The following CDC37L1 variants were observed in gnomAD, a reference collection of about 807,000 sequenced individuals.
The protein encoded by CDC37L1 is hsp90 co-chaperone Cdc37-like 1.
A neutral mutation model predicts 45.9 loss-of-function variants in CDC37L1; 32 were observed. The ratio of observed to expected loss-of-function variants is 0.70; its 90% confidence interval spans 0.53 to 0.94. The LOEUF (loss-of-function observed/expected upper bound fraction) is 0.94, where lower values mean the gene tolerates loss of function less well. Among genes scored for constraint, CDC37L1 ranks in the 40% least tolerant of loss-of-function variants. CDC37L1 has a pLI of 0.00. For synonymous variants in CDC37L1, 150 were observed against 133.0 expected, an observed-to-expected ratio of 1.13 and a Z score of -0.88; for missense variants, 434 against 405.7, an observed-to-expected ratio of 1.07 and a Z score of -0.60.
intron 2 of CDC37L1, 100 bp from the exon 3 acceptor site, chr9:4,688,413 T>A: frequency 3.1e-6 from 2 of 651,768 alleles, no homozygotes; most frequent in Non-Finnish European, 5.0e-6. Context: ...CTATACCACA[T>A]ATATTGTCTA....
Position 4,684,052 on chromosome 9 carries a change from A to G in CDC37L1, c.133-825A>G, listed in dbSNP as rs943630262. Among the ~76,000 whole-genome samples, 21 of 152,238 alleles carry G rather than the reference A, an allele frequency of 1.4e-4. No homozygotes were observed. The South Asian group carries it at 2.9e-3, about 21-fold the overall frequency. On this transcript the variant is annotated intron_variant, in intron 1 of 6. Coordinates refer to ENST00000381854, the MANE Select transcript of CDC37L1 (RefSeq NM_017913.4). The stretch of plus-strand genomic sequence containing the variant: ...TGTAATCCCAGCACTTTGGGAGGCC[A>G]AGGTGTGTAGATCACGAGGTCAAGA...
Position 4,685,141 on chromosome 9 carries a change from A to G in CDC37L1, c.397A>G (p.Lys133Glu), listed in dbSNP as rs1398027351. The G allele has an allele frequency of 6.2e-7, 1 of 1,613,722 alleles. No individual in the cohort carries two copies. ...MCLWSTDAISKDVFNKSFINQ... is the reference protein window; with the variant it reads ...MCLWSTDAISEDVFNKSFINQ... ...TCTGTGGAGCACGGATGCCATTAGC[A>G]AGGATGTTTTTAATAAGGTATGAGC... Residue 133 changes from lysine to glutamate, a missense_variant, in exon 2 of 7, where the codon AAG becomes GAG. Transcript: ENST00000381854.
intron 3 of CDC37L1, among the ~76,000 whole-genome samples, chr9:4,690,356 A>C (rs1841289140): frequency 6.6e-6 from 1 of 152,182 alleles, no homozygotes; most frequent in African/African-American, 2.4e-5. Context: ...AAGTGGGACC[A>C]GGGTAGTCAA....
intron 2 of CDC37L1, among the ~76,000 whole-genome samples, chr9:4,686,172 T>C (rs1841244958): frequency 6.6e-6 from 1 of 152,112 alleles, no homozygotes; most frequent in South Asian, 2.1e-4. Context: ...CATCTCAAAC[T>C]TCTTAATTGT....
intron 1 of CDC37L1, among the ~76,000 whole-genome samples, chr9:4,683,014 TTAAA>T (rs1195072795): frequency 7.0e-6 from 1 of 143,066 alleles, no homozygotes; most frequent in Non-Finnish European, 1.5e-5. Context: ...AATATATATA[TTAAA>T]TATATATTAT....
At chr9:4,692,911 C>G (rs1841314584) in intron 3 of CDC37L1, among the ~76,000 whole-genome samples, 1 of 151,892 alleles carries the variant, frequency 6.6e-6, no homozygotes, top group Non-Finnish European at 1.5e-5. Context: ...AACATGGAGC[C>G]TAGGAAACAT....
intron 5 of CDC37L1, among the ~76,000 whole-genome samples, chr9:4,699,656 G>A (rs1466469671): frequency 1.3e-5 from 2 of 151,954 alleles, no homozygotes; most frequent in Non-Finnish European, 2.9e-5. Flanking sequence ...AAACTAAAAA[G>A]CAAAGGAATA....
Position 4,680,694 on chromosome 9 carries a change from C to T in CDC37L1, c.132+795C>T, listed in dbSNP as rs78513422. 9.3e-3 allele frequency among the ~76,000 whole-genome samples: 1,419 copies of T among 152,176 alleles called. 14 individuals are homozygous for T. The highest frequency in any genetic ancestry group is 0.033 in the African/African-American group (1,363 of 41,528). The stretch of plus-strand genomic sequence containing the variant: ...GCATCACCTTGTCCTGTTTTTTTCT[C>T]CGAATCCGTGTGTGTTTTGGAAGTA... On this transcript the variant is annotated intron_variant, in intron 1 of 6. Transcript: ENST00000381854.
intron 1 of CDC37L1, among the ~76,000 whole-genome samples, chr9:4,681,778 T>A (rs967966621): frequency 1.3e-5 from 2 of 152,220 alleles, no homozygotes; most frequent in African/African-American, 4.8e-5. Context: ...TTTAATTGAT[T>A]AACATTTTAT....
chr9:4,699,958 AT>A (rs1469755851), intron 5 of CDC37L1, among the ~76,000 whole-genome samples: 5 of 152,118 alleles, frequency 3.3e-5, no homozygotes, highest in African/African-American at 1.2e-4. Context: ...ATGTACTACA[AT>A]GAACATTTCC....
intron 6 of CDC37L1, chr9:4,703,071 A>T: frequency 6.5e-7 from 1 of 1,542,088 alleles, no homozygotes; most frequent in Non-Finnish European, 8.8e-7. Flanking sequence ...GAGCCCAGTC[A>T]TCTCTCATTT....
rs1487643658 is a variant in CDC37L1, at chr9:4,708,236, A to G, written c.*2124A>G. ...TGAAGAAATAAAGAGTATATTAAGC[A>G]AAGGGATAATTTATATTTCAGGTTG... On this transcript the variant is annotated 3_prime_UTR_variant, in exon 7 of 7. Transcript: ENST00000381854. 1 of 152,254 alleles carries G rather than the reference A, an allele frequency of 6.6e-6. No individual in the cohort carries two copies. Among genetic ancestry groups the G allele is most frequent in the Non-Finnish European group, 1.5e-5 (1 of 68,038 alleles). The allele number at this position is 152,254 out of a possible 1,614,324, so 9.4% of individuals were successfully genotyped here. A position where few individuals can be genotyped will look rare whatever the true frequency, so the allele number is the denominator to read the frequency against.
intron 5 of CDC37L1, among the ~76,000 whole-genome samples, chr9:4,699,566 T>C (rs976976784): frequency 3.3e-5 from 5 of 152,194 alleles, no homozygotes; most frequent in Admixed American, 6.5e-5. Context: ...GTTCGTATTT[T>C]GTATTTTTTT....
At chr9:4,704,432 G>A (rs779776833) in intron 6 of CDC37L1, among the ~76,000 whole-genome samples, 2 of 152,238 alleles carry the variant, frequency 1.3e-5, no homozygotes, top group East Asian at 3.9e-4. Flanking sequence ...AGGTTAGGTC[G>A]GGTATACCGA....
rs879440031 is a variant in CDC37L1 at position 4,697,834 on chromosome 9, T to C, written c.702T>C (p.Asn234=). The C allele has an allele frequency of 2.5e-6, 4 of 1,612,416 alleles. No homozygotes were observed. Among genetic ancestry groups the C allele is most frequent in the Admixed American group, 1.7e-5 (1 of 59,970 alleles). The change falls in exon 5 of 7, where the codon AAT becomes AAC. Residue 234 remains asparagine (N), a synonymous_variant. Coordinates refer to ENST00000381854, the MANE Select transcript of CDC37L1 (RefSeq NM_017913.4). ...QFIMEMAKNC[N]VDPRGCFRLF... is the part of the protein sequence containing the mutation. ...TTATGGAAATGGCCAAAAACTGTAA[T>C]GTGGATCCAAGAGGGTGTTTTCGTT... is the stretch of plus-strand genomic sequence containing the variant.
chr9:4,689,221 G>A (rs1406943609), intron 3 of CDC37L1, among the ~76,000 whole-genome samples: 3 of 152,082 alleles, frequency 2.0e-5, no homozygotes, highest in Non-Finnish European at 2.9e-5. Context: ...AGCATGAGAC[G>A]GGCAGTTAGG....
At chr9:4,705,114 C>G (rs906738847) in intron 6 of CDC37L1, among the ~76,000 whole-genome samples, 1 of 152,146 alleles carries the variant, frequency 6.6e-6, no homozygotes, top group Non-Finnish European at 1.5e-5. Context: ...CCCTGCCTCC[C>G]AACCTCCTAT....
At chr9:4,698,656 C>G (rs980314717) in intron 5 of CDC37L1, among the ~76,000 whole-genome samples, 13 of 152,104 alleles carry the variant, frequency 8.5e-5, no homozygotes, top group Non-Finnish European at 1.9e-4. Context: ...CCCAGAAATT[C>G]TCCTAGGTGT....
chr9:4,683,816 T>C (rs1841220666), intron 1 of CDC37L1, among the ~76,000 whole-genome samples: 2 of 152,192 alleles, frequency 1.3e-5, no homozygotes, highest in Admixed American at 1.3e-4. Flanking sequence ...TTGATGTACA[T>C]TTGACGAAGA....
Sources: allele counts gnomAD v4.1 joint callset (sites outside exome capture counted in the v4.1 genomes callset), GRCh38; gene constraint gnomAD v4.1.1; transcripts MANE v1.5; gene names NCBI Gene and HGNC (gene_info 2026-07-23, HGNC 2026-07-21).